CLMN: variants seen among roughly 807,000 people sequenced by gnomAD.
CLMN encodes calmin (calponin-like, transmembrane).
A neutral mutation model predicts 92.7 loss-of-function variants in CLMN; 57 were observed. The ratio of observed to expected loss-of-function variants is 0.61; its 90% confidence interval spans 0.50 to 0.77. CLMN has a LOEUF of 0.77. CLMN is among the 30% of genes least tolerant of loss of function. The probability of loss-of-function intolerance (pLI) is 0.00; values close to 1 mark genes in which losing one functional copy is unlikely to be tolerated. For missense variants in CLMN, 1,158 were observed against 1,237.5 expected (o/e 0.94, Z 0.96); for synonymous variants, 466 against 470.6 (o/e 0.99, Z 0.13).
chr14:95,250,607 G>C (rs1184054455), intron 1 of CLMN, among the ~76,000 whole-genome samples: 1 of 152,224 alleles, frequency 6.6e-6, no homozygotes. Flanking sequence ...AAGCCATGCA[G>C]TGTTCATAAA....
At position 95,203,103 on chromosome 14, in the gene CLMN, T is replaced by A; in HGVS notation, c.2246A>T (p.Asp749Val). Residue 749 changes from aspartate to valine, a missense_variant, in exon 9 of 13, where the codon GAT (aspartate) becomes GTT (valine). Transcript: ENST00000298912. ...GAGATCCATTTCTTCATTTTTTAGA[T>A]CCTCCGGGTCTTCTACATAAGCCTC... is the stretch of plus-strand genomic sequence containing the variant. ...VLEAYVEDPEDLKNEEMDLEE... is the reference protein window; with the variant it reads ...VLEAYVEDPEVLKNEEMDLEE... 6.2e-7 allele frequency: 1 copy of A among 1,613,610 alleles called. No individual in the cohort carries two copies. Among genetic ancestry groups the A allele is most frequent in the Admixed American group, 1.7e-5 (1 of 60,016 alleles).
In CLMN at chr14:95,203,120, A is replaced by C; in HGVS notation, c.2229T>G (p.Tyr743Ter). ...TTTTTAGATCCTCCGGGTCTTCTAC[A>C]TAAGCCTCCAAAACTGCAGCCAGGG... Reference protein sequence around the residue: ...EVPLAAVLEAYVEDPEDLKNE... With the variant: ...EVPLAAVLEA Residue 743 changes from tyrosine (Y) to a stop codon, truncating the protein, a stop_gained, in exon 9 of 13, where the codon TAT becomes TAG. Coordinates refer to ENST00000298912, the MANE Select transcript of CLMN (RefSeq NM_024734.4). LOFTEE classifies it high-confidence loss of function. 1 of 1,613,290 alleles carries C rather than the reference A, an allele frequency of 6.2e-7. No homozygotes were observed. The highest frequency in any genetic ancestry group is 2.2e-5 in the East Asian group (1 of 44,868).
intron 1 of CLMN, among the ~76,000 whole-genome samples, chr14:95,317,147 C>G (rs1901818675): frequency 6.6e-6 from 1 of 152,228 alleles, no homozygotes; most frequent in African/African-American, 2.4e-5. Flanking sequence ...TGACATCTGA[C>G]AGCCAGTTAT....
At chr14:95,221,948 G>A (rs1293954746) in intron 3 of CLMN, among the ~76,000 whole-genome samples, 174 bp from the exon 4 acceptor site, 2 of 152,134 alleles carry the variant, frequency 1.3e-5, no homozygotes, top group East Asian at 3.9e-4. Flanking sequence ...GTGCCTCTCA[G>A]GACATACAAA....
chr14:95,198,329 C>T (rs1451145767), intron 9 of CLMN, among the ~76,000 whole-genome samples: 12 of 151,192 alleles, frequency 7.9e-5, no homozygotes, highest in Middle Eastern at 3.2e-3. Context: ...GGATTACAGG[C>T]GTGAGCCACT....
intron 1 of CLMN, among the ~76,000 whole-genome samples, chr14:95,290,580 A>G (rs1232071047): frequency 3.0e-4 from 45 of 152,168 alleles, no homozygotes; most frequent in Admixed American, 2.9e-3. Flanking sequence ...CCCTCTAGAA[A>G]CTAAAACAGG....
chr14:95,308,356 A>C lies in CLMN; in HGVS notation c.82+11355T>G, dbSNP rs114251275. ...CCAGTTTTCTTTCTGGGTTCCAAGT[A>C]AGTCAATTGTCCTCTCTAGCACCAC... is the stretch of plus-strand genomic sequence containing the variant. On this transcript the variant is annotated intron_variant, in intron 1 of 12. Transcript: ENST00000298912. 1.6e-3 allele frequency among the ~76,000 whole-genome samples: 244 copies of C among 152,284 alleles called. 2 individuals carry two copies. Among genetic ancestry groups the C allele is most frequent in the African/African-American group, 5.6e-3 (231 of 41,556 alleles).
rs1900408748 is a variant in CLMN at position 95,288,024 on chromosome 14, T to C, written c.82+31687A>G. ...ACTTGGACAGGTTTTATGCCCATTTTGCAGCAGAGAAAACAGAATCATAAC... is the reference window on the plus strand; with the variant it reads ...ACTTGGACAGGTTTTATGCCCATTTCGCAGCAGAGAAAACAGAATCATAAC... On this transcript the variant is annotated intron_variant, in intron 1 of 12. Transcript: ENST00000298912. Among the ~76,000 whole-genome samples the C allele has an allele frequency of 1.3e-5, 2 of 152,250 alleles. 1 individual carries two copies. The highest frequency in any genetic ancestry group is 4.1e-4 in the South Asian group (2 of 4,834).
chr14:95,304,050 A>G (rs2140784403), intron 1 of CLMN, among the ~76,000 whole-genome samples: 1 of 152,318 alleles, frequency 6.6e-6, no homozygotes. Flanking sequence ...AGAAATCTAC[A>G]TCTTCAGCCA....
At chr14:95,272,090 G>A (rs1899732499) in intron 1 of CLMN, among the ~76,000 whole-genome samples, 1 of 152,202 alleles carries the variant, frequency 6.6e-6, no homozygotes, top group Non-Finnish European at 1.5e-5. Flanking sequence ...ATAAACATTT[G>A]AATGGAGAAA....
In CLMN at chr14:95,182,599, G is replaced by A. The variant is rs1181098860; in HGVS notation, c.*8965C>T. On this transcript the variant is annotated 3_prime_UTR_variant, in exon 13 of 13. Transcript: ENST00000298912. ...CCCACAGCTACCGCCCCTACCCCAG[G>A]GACATTCTACACAAACACACCAGCA... 3.3e-5 allele frequency: 5 copies of A among 151,676 alleles called. No homozygotes were observed. Among genetic ancestry groups the A allele is most frequent in the Admixed American group, 3.3e-4 (5 of 15,224 alleles). 9.4% of individuals were successfully genotyped at this position (151,676 alleles called of 1,614,324 possible).
intron 1 of CLMN, among the ~76,000 whole-genome samples, chr14:95,309,943 T>C (rs962929302): frequency 2.0e-5 from 3 of 152,256 alleles, no homozygotes; most frequent in Non-Finnish European, 4.4e-5. Context: ...GAAGTCTGAA[T>C]GGGTTTTACC....
chr14:95,261,913 G>C (rs1031519063), intron 1 of CLMN, among the ~76,000 whole-genome samples: 3 of 152,212 alleles, frequency 2.0e-5, no homozygotes, highest in Non-Finnish European at 2.9e-5. Context: ...AATGAGTCCT[G>C]ACAACCTGCG....
At chr14:95,275,731 C>G (rs933681213) in intron 1 of CLMN, among the ~76,000 whole-genome samples, 20 of 152,216 alleles carry the variant, frequency 1.3e-4, no homozygotes, top group Admixed American at 1.1e-3. Context: ...GGCGTGACGT[C>G]GGCTCACTGG....
intron 1 of CLMN, among the ~76,000 whole-genome samples, chr14:95,268,614 T>C (rs1007969506): frequency 2.6e-5 from 4 of 151,990 alleles, no homozygotes; most frequent in African/African-American, 9.7e-5. Context: ...GGTGCTAAGA[T>C]TTCCTAGAAC....
intron 1 of CLMN, among the ~76,000 whole-genome samples, chr14:95,299,230 C>T (rs994066540): frequency 6.6e-6 from 1 of 152,098 alleles, no homozygotes; most frequent in African/African-American, 2.4e-5. Context: ...CTGCCGCAGG[C>T]CCTTTCCCTA....
intron 1 of CLMN, among the ~76,000 whole-genome samples, chr14:95,299,205 C>T (rs929483908): frequency 5.3e-5 from 8 of 152,188 alleles, no homozygotes; most frequent in Admixed American, 5.2e-4. Flanking sequence ...TGTGCTCCCC[C>T]CAACCCCACC....
chr14:95,257,543 C>T (rs1052692918), intron 1 of CLMN, among the ~76,000 whole-genome samples: 4 of 152,220 alleles, frequency 2.6e-5, no homozygotes, highest in Admixed American at 1.3e-4. Context: ...TGGGACGGCA[C>T]GCAAGCTTGC....
At chr14:95,235,315 C>G (rs1426317122) in intron 1 of CLMN, among the ~76,000 whole-genome samples, 2 of 152,190 alleles carry the variant, frequency 1.3e-5, no homozygotes, top group Admixed American at 6.5e-5. Context: ...GCCTGGGAAT[C>G]TGCATTTAGC....
Sources: allele counts gnomAD v4.1 joint callset (sites outside exome capture counted in the v4.1 genomes callset), GRCh38; gene constraint gnomAD v4.1.1; transcripts MANE v1.5; gene names NCBI Gene and HGNC (gene_info 2026-07-23, HGNC 2026-07-21).